INVS: variants seen among roughly 807,000 people sequenced by gnomAD.
The protein encoded by INVS is inversin.
Under a neutral mutation model 108.8 loss-of-function variants are expected in INVS, and 86 were observed. The ratio of observed to expected loss-of-function variants is 0.79; its 90% CI spans 0.66 to 0.95. The LOEUF (loss-of-function observed/expected upper bound fraction) is 0.95, where lower values mean the gene tolerates loss of function less well. Ranked by LOEUF, INVS falls within the 40% of genes least tolerant of loss-of-function variation. INVS has a pLI of 0.00. For synonymous variants in INVS, 455 were observed against 473.5 expected (o/e 0.96, Z 0.51); for missense variants, 1,169 against 1,297.4 (o/e 0.90, Z 1.52).
At chr9:100,237,830 C>T (rs750887786) in intron 5 of INVS, among the ~76,000 whole-genome samples, 4 of 151,988 alleles carry the variant, frequency 2.6e-5, no homozygotes, top group Non-Finnish European at 5.9e-5. Flanking sequence ...CTCTTGACTC[C>T]CTTTAGTATA....
rs146916355 is a variant in INVS, at chr9:100,131,877, G to C, written c.273+5328G>C. On this transcript the variant is annotated intron_variant, in intron 3 of 16. Coordinates refer to ENST00000262457, the MANE Select transcript of INVS (RefSeq NM_014425.5). ...TTGAATGTTTATTTTCAGTTTTCAA[G>C]GTACGCTGTTTCCATGTTACTGATT... The C allele has an allele frequency of 1.7e-5, 16 of 969,638 alleles. No homozygotes were observed. In the African/African-American group the frequency reaches 2.8e-4, roughly 17 times the overall value. The allele number at this position is 969,638 out of a possible 1,614,324, so 60.1% of individuals were successfully genotyped here.
At chr9:100,142,643 C>A (rs928914014) in intron 3 of INVS, among the ~76,000 whole-genome samples, 4 of 152,012 alleles carry the variant, frequency 2.6e-5, no homozygotes, top group African/African-American at 4.8e-5. Context: ...CTGAAGGAGC[C>A]AGGGAGCAGA....
At position 100,297,977 on chromosome 9, in the gene INVS, G is replaced by C. The variant is rs372125918; in HGVS notation, c.3058G>C (p.Val1020Leu). ...GAAAATACATCATCCTACAAGATCT[G>C]TAAAAGCCTCTTCTGTGCTGCGTCT... ...EGKIHHPTRS[V>L]KASSVLRLNS... Residue 1020 changes from valine (V) to leucine (L), a missense_variant, in exon 16 of 17, where the codon GTA (valine) becomes CTA (leucine). Physicochemically the swap from Val to Leu is conservative, Grantham distance 32. Coordinates refer to ENST00000262457, the MANE Select transcript of INVS (RefSeq NM_014425.5). 1 of 1,614,072 alleles carries C rather than the reference G, an allele frequency of 6.2e-7. No homozygotes were observed. Among genetic ancestry groups the C allele is most frequent in the African/African-American group, 1.3e-5 (1 of 74,950 alleles).
intron 16 of INVS, among the ~76,000 whole-genome samples, chr9:100,299,934 T>C (rs796071852): frequency 2.2e-4 from 33 of 152,346 alleles, no homozygotes; most frequent in African/African-American, 7.2e-4. Flanking sequence ...ATATGTTTGT[T>C]ACTTTTAAAA....
At chr9:100,142,835 G>C (rs1201209562) in intron 3 of INVS, among the ~76,000 whole-genome samples, 2 of 152,172 alleles carry the variant, frequency 1.3e-5, no homozygotes, top group Non-Finnish European at 2.9e-5. Flanking sequence ...GGACAGAAAG[G>C]CTATAGGACG....
chr9:100,104,282 C>G (rs980638555), intron 1 of INVS, among the ~76,000 whole-genome samples: 1 of 152,176 alleles, frequency 6.6e-6, no homozygotes, highest in Non-Finnish European at 1.5e-5. Context: ...CCAGGCTGCT[C>G]TCAAACTTCT....
At chr9:100,176,101 C>G (rs1356664511) in intron 3 of INVS, 4 of 463,150 alleles carry the variant, frequency 8.6e-6, no homozygotes, top group Admixed American at 7.5e-5. Flanking sequence ...TGGGCACTGG[C>G]TGAATCCTTC....
chr9:100,265,845 G>C (rs1394190947), intron 11 of INVS, among the ~76,000 whole-genome samples: 2 of 152,228 alleles, frequency 1.3e-5, no homozygotes, highest in Admixed American at 6.5e-5. Context: ...GGGAGGCCAA[G>C]GCGAGCAGAT....
chr9:100,100,628 AAT>A lies in INVS; in HGVS notation c.-25+1221_-25+1222del, dbSNP rs1315195196. Among the ~76,000 whole-genome samples, 74 of 75,010 alleles carry A rather than the reference AAT, an allele frequency of 9.9e-4. 3 individuals carry two copies. Among genetic ancestry groups the A allele is most frequent in the South Asian group, 3.6e-3 (12 of 3,368 alleles). The allele number at this position is 75,010 out of a possible 152,430, so 49.2% of individuals were successfully genotyped here. On this transcript the variant is annotated intron_variant, in intron 1 of 16. Coordinates refer to ENST00000262457, the MANE Select transcript of INVS (RefSeq NM_014425.5). ...TAATATATATAATATATGTATATAT[AAT>A]ATATATATTATATATGTATATATAA...
chr9:100,176,222 G>A (rs879115456), intron 3 of INVS, among the ~76,000 whole-genome samples: 2 of 152,192 alleles, frequency 1.3e-5, no homozygotes, highest in Admixed American at 6.5e-5. Flanking sequence ...GGAGGGTGGG[G>A]TATGATTGGA....
intron 2 of INVS, among the ~76,000 whole-genome samples, chr9:100,114,147 A>G (rs1031474673): frequency 2.6e-5 from 4 of 152,168 alleles, no homozygotes; most frequent in African/African-American, 9.7e-5. Flanking sequence ...TTGTTCGTAT[A>G]CAGTTATTTA....
intron 10 of INVS, among the ~76,000 whole-genome samples, chr9:100,256,114 G>A (rs1832411728): frequency 6.6e-6 from 1 of 152,136 alleles, no homozygotes; most frequent in Admixed American, 6.5e-5. Flanking sequence ...TCTATTCAGG[G>A]ATTCAACTTC....
At chr9:100,217,645 A>G (rs548893208) in intron 3 of INVS, among the ~76,000 whole-genome samples, 3 of 152,172 alleles carry the variant, frequency 2.0e-5, no homozygotes, top group Non-Finnish European at 2.9e-5. Context: ...CTTTTAGTAA[A>G]TAGAGTAGTA....
intron 3 of INVS, among the ~76,000 whole-genome samples, chr9:100,137,331 C>T (rs947567443): frequency 4.6e-5 from 7 of 152,106 alleles, no homozygotes; most frequent in East Asian, 1.9e-4. Flanking sequence ...CACACCTCCC[C>T]AGACCCTAAC....
At chr9:100,143,092 G>A (rs1235852751) in intron 3 of INVS, among the ~76,000 whole-genome samples, 1 of 152,200 alleles carries the variant, frequency 6.6e-6, no homozygotes, top group Non-Finnish European at 1.5e-5. Context: ...AATTTGCTGA[G>A]CCTGATGGGT....
intron 9 of INVS, 27 bp from the exon 10 acceptor site, chr9:100,252,880 A>G: frequency 1.3e-6 from 2 of 1,494,766 alleles, no homozygotes; most frequent in African/African-American, 1.4e-5. Flanking sequence ...TATATTAGAC[A>G]TTCTCATTAT....
chr9:100,246,576 A>G (rs759091800), intron 7 of INVS, 40 bp from the exon 8 acceptor site: 1 of 1,436,380 alleles, frequency 7.0e-7, no homozygotes, highest in Non-Finnish European at 9.8e-7. Context: ...AGAAAATACT[A>G]CTGTTTTGTC....
chr9:100,227,684 T>G (rs1831374849), intron 4 of INVS, among the ~76,000 whole-genome samples: 1 of 150,650 alleles, frequency 6.6e-6, no homozygotes, highest in Non-Finnish European at 1.5e-5. Context: ...AGGATTCTTG[T>G]GCTTGTAAGC....
chr9:100,196,397 A>T (rs1194374939), intron 3 of INVS, among the ~76,000 whole-genome samples: 1 of 152,058 alleles, frequency 6.6e-6, no homozygotes, highest in African/African-American at 2.4e-5. Flanking sequence ...ATATGTTAAG[A>T]TGTTATCTTT....
Sources: gnomAD v4.1 joint callset for allele counts (sites outside exome capture counted in the v4.1 genomes callset) on GRCh38, gnomAD v4.1.1 for gene constraint, MANE v1.5 for transcripts, NCBI Gene and HGNC (gene_info 2026-07-23, HGNC 2026-07-21) for gene names.